CIITA: variants seen among roughly 807,000 people sequenced by gnomAD.
The protein encoded by CIITA is MHC class II transactivator.
CIITA carries 72 observed loss-of-function variants against 115.1 expected under a neutral mutation model. The ratio of observed to expected loss-of-function variants is 0.63; its 90% CI spans 0.52 to 0.76. The LOEUF (loss-of-function observed/expected upper bound fraction) is 0.76. CIITA is among the 30% of genes least tolerant of loss of function. CIITA has a pLI of 0.00. For synonymous variants in CIITA, 763 were observed against 635.6 expected, an observed-to-expected ratio of 1.20 and a Z score of -3.02; for missense variants, 1,617 against 1,463.8, an observed-to-expected ratio of 1.10 and a Z score of -1.71.
chr16:10,899,812 G>C (rs536849591), intron 5 of CIITA, among the ~76,000 whole-genome samples: 1 of 152,324 alleles, frequency 6.6e-6, no homozygotes, highest in Admixed American at 6.5e-5. Flanking sequence ...GGGCGCAGCG[G>C]CTCACACCTG....
chr16:10,882,363 G>A (rs2036515621), intron 1 of CIITA, among the ~76,000 whole-genome samples: 3 of 152,200 alleles, frequency 2.0e-5, no homozygotes, highest in Non-Finnish European at 4.4e-5. Flanking sequence ...TATGCTGAGG[G>A]TCTGGTGACT....
intron 5 of CIITA, among the ~76,000 whole-genome samples, chr16:10,900,150 C>G (rs1305053961): frequency 6.6e-6 from 1 of 152,210 alleles, no homozygotes. Context: ...TGTAGTCCCT[C>G]AGTTTTGCTC....
rs1333435539 is a variant in CIITA at position 10,901,586 on chromosome 16, G to A, written c.481+28G>A. 3 of 1,612,044 alleles carry A rather than the reference G, an allele frequency of 1.9e-6. No homozygotes were observed. In the African/African-American group the frequency reaches 4.0e-5, roughly 22 times the overall value. ...GTGCAGGGCAGGTGGGCTGGGGTTG[G>A]GAAGGGTGGATGCCTTGGGGAGGGG... On this transcript the variant is annotated intron_variant, in intron 6 of 19. Transcript: ENST00000324288. The surrounding 1 kb of genome is among the most constrained non-coding windows in gnomAD (Gnocchi z 6.8).
At chr16:10,921,248 C>A (rs151241649) in intron 16 of CIITA, among the ~76,000 whole-genome samples, 1 of 152,336 alleles carries the variant, frequency 6.6e-6, no homozygotes, top group Non-Finnish European at 1.5e-5. Context: ...CGCAGCAGCA[C>A]CTGACCTGTT....
At chr16:10,886,056 C>CT (rs1294547248) in intron 1 of CIITA, among the ~76,000 whole-genome samples, 4 of 68,150 alleles carry the variant, frequency 5.9e-5, no homozygotes, top group Non-Finnish European at 8.3e-5. Context: ...ACATGTTTTG[C>CT]CTTTTTTTTT....
intron 13 of CIITA, among the ~76,000 whole-genome samples, chr16:10,913,066 C>G (rs1255324037): frequency 6.6e-6 from 1 of 152,218 alleles, no homozygotes; most frequent in Non-Finnish European, 1.5e-5. Flanking sequence ...GCTGGGTGCT[C>G]TCTCCATTCC....
At chr16:10,871,041 C>T (rs961961820) in intron 1 of CIITA, among the ~76,000 whole-genome samples, 3 of 152,234 alleles carry the variant, frequency 2.0e-5, no homozygotes, top group Non-Finnish European at 4.4e-5. Flanking sequence ...TGAACTGGCA[C>T]ATGGGCCATG....
rs371453398 is a variant in CIITA, at chr16:10,918,537, C to T, written c.3149+11C>T. The stretch of plus-strand genomic sequence containing the variant: ...CCTGCTCAGGCTAAGGTGAGTGGGG[C>T]CCCGGATACCGGTCAGGTGCTGAGC... On this transcript the variant is annotated intron_variant, in intron 16 of 19. Transcript: ENST00000324288. 13 of 1,612,992 alleles carry T rather than the reference C, an allele frequency of 8.1e-6. No homozygotes were observed. Among genetic ancestry groups the T allele is most frequent in the Non-Finnish European group, 7.6e-6 (9 of 1,179,448 alleles).
Position 10,920,995 on chromosome 16 carries a change from A to G in CIITA, c.3150-1172A>G, listed in dbSNP as rs546566931. ...GCAATTCTCCTGCCTCAGCCTCTCA[A>G]GTAGCTGGGAGTATAGGCATGTGCC... On this transcript the variant is annotated intron_variant, in intron 16 of 19. Transcript: ENST00000324288. The surrounding 1 kb of genome is among the most constrained non-coding windows in gnomAD (Gnocchi z 4.5). 1.2e-4 allele frequency among the ~76,000 whole-genome samples: 18 copies of G among 152,242 alleles called. No individual in the cohort carries two copies. The highest frequency in any genetic ancestry group is 4.1e-4 in the African/African-American group (17 of 41,552).
chr16:10,901,116 C>T lies in CIITA; in HGVS notation c.437-398C>T, dbSNP rs889412067. ...GTGCTTGATACTCACTCACTGATTT[C>T]TGGCATACTCCTGCAATGTAGGAAC... On this transcript the variant is annotated intron_variant, in intron 5 of 19. Coordinates refer to ENST00000324288, the MANE Select transcript of CIITA (RefSeq NM_000246.4). This position sits in a 1 kb window ranked among gnomAD's most constrained non-coding sequence, Gnocchi z 6.8. Among the ~76,000 whole-genome samples the T allele has an allele frequency of 6.6e-6, 1 of 152,198 alleles. No individual in the cohort carries two copies. Among genetic ancestry groups the T allele is most frequent in the African/African-American group, 2.4e-5 (1 of 41,452 alleles).
chr16:10,887,581 C>T (rs1019814382), intron 1 of CIITA, among the ~76,000 whole-genome samples: 4 of 151,822 alleles, frequency 2.6e-5, no homozygotes, highest in Non-Finnish European at 4.4e-5. Context: ...CTGCAACCTC[C>T]GCCTCCCAGG....
At chr16:10,896,496 G>T (rs779942916) in intron 3 of CIITA, among the ~76,000 whole-genome samples, 2 of 152,228 alleles carry the variant, frequency 1.3e-5, no homozygotes, top group African/African-American at 2.4e-5. Context: ...GGTGGTGGTG[G>T]TGTTGCTGCT....
In CIITA at chr16:10,922,245, G is replaced by T; in HGVS notation, c.3228G>T (p.Val1076=). 1 of 1,614,220 alleles carries T rather than the reference G, an allele frequency of 6.2e-7. No individual in the cohort carries two copies. The highest frequency in any genetic ancestry group is 1.1e-5 in the South Asian group (1 of 91,088). Residue 1076 remains valine (V), a synonymous_variant, in exon 17 of 20, where the codon GTG becomes GTT. Coordinates refer to ENST00000324288, the MANE Select transcript of CIITA (RefSeq NM_000246.4). ...RVLPDMVSLR[V]MDVQYNKFTA... is the part of the protein sequence containing the mutation. ...TTCCGGACATGGTGTCCCTCCGGGT[G>T]ATGGAGTGAGTGTGGGAGTCTGGGC... is the stretch of plus-strand genomic sequence containing the variant.
intron 3 of CIITA, among the ~76,000 whole-genome samples, chr16:10,897,804 C>T (rs2038286353): frequency 6.6e-6 from 1 of 152,114 alleles, no homozygotes; most frequent in Non-Finnish European, 1.5e-5. Context: ...TTATTATCAC[C>T]ATCATTATTA....
At position 10,912,390 on chromosome 16, in the gene CIITA, A is replaced by C. The variant is rs145904071; in HGVS notation, c.2888+2131A>C. Among the ~76,000 whole-genome samples, 563 of 152,344 alleles carry C rather than the reference A, an allele frequency of 3.7e-3. 3 individuals are homozygous for C. Among genetic ancestry groups the C allele is most frequent in the African/African-American group, 0.013 (547 of 41,574 alleles). Reference sequence around the variant, plus strand: ...CAGCCTCCCAAAGTGCTGGGATTACAGGTGTAAGCCACCATGCCCAGCTTA... The same window carrying C: ...CAGCCTCCCAAAGTGCTGGGATTACCGGTGTAAGCCACCATGCCCAGCTTA... On this transcript the variant is annotated intron_variant, in intron 13 of 19. Transcript: ENST00000324288.
Position 10,906,382 on chromosome 16 carries a change from CA to C in CIITA, c.1007-110del, listed in dbSNP as rs566932420. 1.3e-5 allele frequency: 17 copies of C among 1,273,920 alleles called. No individual in the cohort carries two copies. In the East Asian group the frequency reaches 1.7e-4, roughly 13 times the overall value. 78.9% of individuals were successfully genotyped at this position (1,273,920 alleles called of 1,614,324 possible). ...CTCAAAACAAAACAAAACAAACAAACAAAAAAACTGTGTGGGGAACAGATGT... is the reference window on the plus strand; with the variant it reads ...CTCAAAACAAAACAAAACAAACAAACAAAAAACTGTGTGGGGAACAGATGT... On this transcript the variant is annotated intron_variant, in intron 10 of 19. Transcript: ENST00000324288.
intron 1 of CIITA, among the ~76,000 whole-genome samples, chr16:10,887,711 T>A (rs924541159): frequency 6.6e-5 from 10 of 152,152 alleles, no homozygotes; most frequent in Non-Finnish European, 1.2e-4. Context: ...GTCAGGCTGG[T>A]CTTGAACTCC....
intron 14 of CIITA, 75 bp downstream of exon 14, chr16:10,915,725 G>A (rs189667155): frequency 5.5e-5 from 74 of 1,344,024 alleles, no homozygotes; most frequent in African/African-American, 5.0e-4. Context: ...CTGCAGCCTC[G>A]AATTCCTGGC....
intron 1 of CIITA, among the ~76,000 whole-genome samples, chr16:10,893,888 AT>A: frequency 6.9e-6 from 1 of 145,078 alleles, no homozygotes; most frequent in Non-Finnish European, 1.5e-5. Flanking sequence ...ACCATCTCCC[AT>A]CCCCACAGTC....
Sources: allele counts gnomAD v4.1 joint callset (sites outside exome capture counted in the v4.1 genomes callset), GRCh38; gene constraint gnomAD v4.1.1; non-coding constraint Gnocchi (gnomAD v3.1); transcripts MANE v1.5; gene names NCBI Gene and HGNC (gene_info 2026-07-23, HGNC 2026-07-21).